Variants in IPO5 observed in about 807,000 individuals in gnomAD.
IPO5 encodes the protein importin 5, also known as importin-5.
IPO5 carries 18 observed loss-of-function variants against 143.3 expected under a neutral mutation model. That is an observed-to-expected ratio of 0.13 (90% CI 0.09 to 0.19). The LOEUF (loss-of-function observed/expected upper bound fraction) is 0.19, where lower values mean the gene tolerates loss of function less well. Among genes scored for constraint, IPO5 ranks in the 10% least tolerant of loss-of-function variants. The pLI, the probability that IPO5 is intolerant of heterozygous loss-of-function variation, is 1.00. For synonymous variants in IPO5, 477 were observed against 465.7 expected (o/e 1.02, Z -0.31); for missense variants, 1,013 against 1,336.9 (o/e 0.76, Z 3.78).
At chr13:97,998,845 T>TA (rs1888518928) in intron 12 of IPO5, among the ~76,000 whole-genome samples, 1 of 152,128 alleles carries the variant, frequency 6.6e-6, no homozygotes, top group Non-Finnish European at 1.5e-5. Context: ...ACCTTTTCTT[T>TA]AAAAAAGCTG....
In IPO5 at chr13:98,010,095, G is replaced by T; in HGVS notation, c.1934-8G>T. 2 of 1,613,736 alleles carry T rather than the reference G, an allele frequency of 1.2e-6. No individual in the cohort carries two copies. Among genetic ancestry groups the T allele is most frequent in the Non-Finnish European group, 1.7e-6 (2 of 1,179,906 alleles). On this transcript the variant is annotated splice_region_variant and splice_polypyrimidine_tract_variant and intron_variant, in intron 19 of 28. Coordinates refer to ENST00000651721, the MANE Select transcript of IPO5 (RefSeq NM_002271.6). ...TTCATATGCATTTGTTTTCTTCTCCGTTAATAGCCCAAGACATGGAGAATA... is the reference window on the plus strand; with the variant it reads ...TTCATATGCATTTGTTTTCTTCTCCTTTAATAGCCCAAGACATGGAGAATA...
chr13:98,007,666 C>T, intron 17 of IPO5: 1 of 159,936 alleles, frequency 6.3e-6, no homozygotes, highest in East Asian at 1.8e-4. Context: ...AAAACGCTGC[C>T]TGTTTATACA....
At chr13:98,019,552 G>C in intron 26 of IPO5, 29 bp from the exon 27 acceptor site, 2 of 1,487,452 alleles carry the variant, frequency 1.3e-6, no homozygotes, top group Non-Finnish European at 1.9e-6. Context: ...TGAGGTTTTA[G>C]CTGAACTTCT....
Position 98,015,722 on chromosome 13 carries a change from T to G in IPO5, c.2438-4T>G. On this transcript the variant is annotated splice_polypyrimidine_tract_variant and splice_region_variant and intron_variant, in intron 23 of 28. Coordinates refer to ENST00000651721, the MANE Select transcript of IPO5 (RefSeq NM_002271.6). ...TTTAAAACATTTATTTGGGTGTGTT[T>G]TAGTTAAAAGACAAGATGAAGACTA... 1.2e-6 allele frequency: 2 copies of G among 1,609,052 alleles called. No homozygotes were observed. Among genetic ancestry groups the G allele is most frequent in the Non-Finnish European group, 1.7e-6 (2 of 1,176,372 alleles).
At chr13:98,009,259 T>C (rs192013875) in intron 18 of IPO5, among the ~76,000 whole-genome samples, 3 of 152,346 alleles carry the variant, frequency 2.0e-5, no homozygotes, top group Admixed American at 6.5e-5. Flanking sequence ...GGATGACAGA[T>C]ATCAGGGGAT....
intron 4 of IPO5, chr13:97,979,798 T>G (rs766485179): frequency 4.8e-5 from 21 of 434,384 alleles, no homozygotes; most frequent in East Asian, 2.1e-4. Flanking sequence ...AGTGTTGGAA[T>G]TACAGGCATG....
At chr13:97,987,294 A>T (rs944888473) in intron 6 of IPO5, 1 of 151,622 alleles carries the variant, frequency 6.6e-6, no homozygotes. Context: ...GTGTGGTTGT[A>T]AGCGCAGCTT....
chr13:97,977,395 T>C (rs1886467424), intron 4 of IPO5, among the ~76,000 whole-genome samples: 1 of 152,216 alleles, frequency 6.6e-6, no homozygotes, highest in African/African-American at 2.4e-5. Flanking sequence ...CCTCCAGTTT[T>C]GTGAAGTTGC....
chr13:97,963,547 T>A (rs529763920), intron 2 of IPO5, among the ~76,000 whole-genome samples: 1 of 151,998 alleles, frequency 6.6e-6, no homozygotes, highest in African/African-American at 2.4e-5. Context: ...TTTTTTGTAT[T>A]TTAGTACAGA....
At chr13:97,991,267 A>G (rs1371798576) in intron 9 of IPO5, among the ~76,000 whole-genome samples, 1 of 152,212 alleles carries the variant, frequency 6.6e-6, no homozygotes, top group Non-Finnish European at 1.5e-5. Flanking sequence ...AAAGAAACGT[A>G]TAATAAAATG....
At chr13:97,956,131 CAAAA>C (rs5806042) in intron 2 of IPO5, among the ~76,000 whole-genome samples, 1 of 115,290 alleles carries the variant, frequency 8.7e-6, no homozygotes, top group Admixed American at 9.1e-5. Context: ...GACTCCGTGT[CAAAA>C]AAAAAAAAAC....
chr13:97,979,920 C>CT (rs1491301508), intron 4 of IPO5: 1 of 456,574 alleles, frequency 2.2e-6, no homozygotes, highest in African/African-American at 2.0e-5. Context: ...CATGTGTCCC[C>CT]TCTTTTACTT....
chr13:97,998,357 C>CTTTTAA (rs1338946199), intron 12 of IPO5, among the ~76,000 whole-genome samples: 1 of 152,104 alleles, frequency 6.6e-6, no homozygotes, highest in Non-Finnish European at 1.5e-5. Context: ...GTTTGAATAT[C>CTTTTAA]TTTTAAAACG....
Position 98,002,584 on chromosome 13 carries a change from A to T in IPO5, c.1226A>T (p.Gln409Leu). ...EIVNFVLLFL[Q>L]DPHPRVRYAA... is the part of the protein sequence containing the mutation. ...GTAAATTTTGTTTTACTTTTTCTCC[A>T]GGATCCTGTAAGTACCAGTAAATAT... Residue 409 changes from glutamine (Q) to leucine (L), a missense_variant, in exon 14 of 29, where the codon CAG becomes CTG. Gln to Leu is a moderately radical substitution (Grantham distance 113). Around this residue, in one of 2 missense-constraint regions of IPO5, gnomAD observed 685 missense variants for 994.9 expected, o/e 0.69. Coordinates refer to ENST00000651721, the MANE Select transcript of IPO5 (RefSeq NM_002271.6). The T allele has an allele frequency of 6.2e-7, 1 of 1,613,916 alleles. No homozygotes were observed. The highest frequency in any genetic ancestry group is 8.5e-7 in the Non-Finnish European group (1 of 1,179,886).
chr13:98,005,031 G>T (rs1427172344), intron 16 of IPO5, among the ~76,000 whole-genome samples: 1 of 152,048 alleles, frequency 6.6e-6, no homozygotes, highest in East Asian at 1.9e-4. Flanking sequence ...GAGTAGCTGG[G>T]ATTACAGACG....
At chr13:97,988,102 G>T (rs1390027454) in intron 6 of IPO5, 2 of 204,370 alleles carry the variant, frequency 9.8e-6, no homozygotes, top group East Asian at 1.2e-4. Context: ...TAATTCATCT[G>T]TAAGTTGTAT....
chr13:97,993,071 T>C, intron 10 of IPO5, 34 bp from the exon 11 acceptor site: 1 of 1,612,556 alleles, frequency 6.2e-7, no homozygotes, highest in Non-Finnish European at 8.5e-7. Flanking sequence ...CTAATCTAAA[T>C]TATTAAATGT....
intron 3 of IPO5, chr13:97,976,044 G>A (rs994629331): frequency 1.3e-4 from 103 of 807,050 alleles, no homozygotes; most frequent in Non-Finnish European, 1.5e-4. Context: ...GGGGGTGGGT[G>A]AAGGGCTGGA....
At position 98,014,076 on chromosome 13, in the gene IPO5, TCTC is replaced by T; in HGVS notation, c.2190_2192del (p.Leu731del). On this transcript the variant is annotated inframe_deletion, in exon 22 of 29. Coordinates refer to ENST00000651721, the MANE Select transcript of IPO5 (RefSeq NM_002271.6). ...TGGCAGCAGCGGAATCCATGCCTCT[TCTC>T]CTGGAGTGTGCAAGAGTCCGTGGTC... is the stretch of plus-strand genomic sequence containing the variant. The T allele has an allele frequency of 6.2e-7, 1 of 1,610,938 alleles. No individual in the cohort carries two copies. Among genetic ancestry groups the T allele is most frequent in the Non-Finnish European group, 8.5e-7 (1 of 1,179,240 alleles).
Sources: gnomAD v4.1 joint callset for allele counts (sites outside exome capture counted in the v4.1 genomes callset) on GRCh38, gnomAD v4.1.1 for gene constraint, gnomAD v4.1.1 regional missense constraint, MANE v1.5 for transcripts, NCBI Gene and HGNC (gene_info 2026-07-23, HGNC 2026-07-21) for gene names.